Variants in FKBP11 observed in about 807,000 individuals in gnomAD.
The protein encoded by FKBP11 is FKBP prolyl isomerase 11.
Under a neutral mutation model 24.7 loss-of-function variants are expected in FKBP11, and 21 were observed. The ratio of observed to expected loss-of-function variants is 0.85; its 90% CI spans 0.60 to 1.23. The LOEUF is 1.23. FKBP11 is among the 50% of genes most tolerant of loss of function. The probability of loss-of-function intolerance (pLI) is 0.00; values close to 1 mark genes in which losing one functional copy is unlikely to be tolerated. For missense variants in FKBP11, 245 were observed against 248.7 expected (o/e 0.99, Z 0.10); for synonymous variants, 106 against 100.6 (o/e 1.05, Z -0.32).
chr12:48,928,586 T>G (rs894784194), upstream of FKBP11, among the ~76,000 whole-genome samples: 1 of 152,024 alleles, frequency 6.6e-6, no homozygotes, highest in Non-Finnish European at 1.5e-5. Flanking sequence ...TTCAGGCAAT[T>G]CTCCTGTTTC....
the FKBP11 span, chr12:48,935,692 G>C: frequency 6.6e-6 from 1 of 152,244 alleles, no homozygotes. Flanking sequence ...GCCATCAGTT[G>C]TAAGAAGGAT....
chr12:48,922,245 TATCCAGGGCTCAGA>T, intron 5 of FKBP11, 44 bp from the exon 6 acceptor site: 1 of 1,538,742 alleles, frequency 6.5e-7, no homozygotes, highest in South Asian at 1.2e-5. Flanking sequence ...CTCTGCATTT[TATCCAGGGCTCAGA>T]ATCTGAATGA....
chr12:48,933,465 G>T, the FKBP11 span, among the ~76,000 whole-genome samples: 1 of 152,194 alleles, frequency 6.6e-6, no homozygotes, highest in Admixed American at 6.5e-5. Flanking sequence ...GCTTTGGGAG[G>T]CCAAGGTGGG....
chr12:48,931,158 A>AAAAAAT (rs1940045050), upstream of FKBP11, among the ~76,000 whole-genome samples: 1 of 134,676 alleles, frequency 7.4e-6, no homozygotes, highest in Admixed American at 7.4e-5. Context: ...AAAAAAAAAA[A>AAAAAAT]GGCTAGTTGT....
intron 5 of FKBP11, 47 bp from the exon 6 acceptor site, chr12:48,922,248 C>T: frequency 6.5e-7 from 1 of 1,534,876 alleles, no homozygotes; most frequent in Non-Finnish European, 8.9e-7. Flanking sequence ...TGCATTTTAT[C>T]CAGGGCTCAG....
chr12:48,931,128 TA>T (rs35482677), upstream of FKBP11, among the ~76,000 whole-genome samples: 3,949 of 34,842 alleles, frequency 0.11, 71 homozygotes, highest in East Asian at 0.22. Context: ...GACTCCAGCT[TA>T]AAAAAAAAAA....
chr12:48,925,005 G>GCC, intron 2 of FKBP11, 41 bp downstream of exon 2: 15 of 1,573,274 alleles, frequency 9.5e-6, no homozygotes, highest in Middle Eastern at 2.1e-4. Flanking sequence ...GCAGGGCGCC[G>GCC]CCCCCTCCCA....
rs529271511 is a variant in FKBP11, at chr12:48,925,311, C to T, written c.118G>A (p.Val40Met). 2.5e-6 allele frequency: 4 copies of T among 1,612,140 alleles called. No homozygotes were observed. The highest frequency in any genetic ancestry group is 2.2e-5 in the South Asian group (2 of 90,410). ...ETESPVRTLQ[V>M]ETLVEPPEPC... is the part of the protein sequence containing the mutation. The stretch of plus-strand genomic sequence containing the variant: ...GACTATCTCCTCACCAGGGTCTCCA[C>T]TTGGAGGGTCCGGACGGGACTTTCG... Residue 40 changes from valine (V) to methionine (M), a missense_variant, in exon 1 of 6, where the codon GTG (valine) becomes ATG (methionine). Val to Met is a conservative substitution (Grantham distance 21). Coordinates refer to ENST00000550765, the MANE Select transcript of FKBP11 (RefSeq NM_016594.3).
upstream of FKBP11, chr12:48,925,703 A>C: frequency 2.0e-6 from 1 of 490,116 alleles, no homozygotes. Flanking sequence ...GGGCCAAACA[A>C]TAGCACCCAT....
At chr12:48,935,456 G>A in the FKBP11 span, among the ~76,000 whole-genome samples, 1 of 152,124 alleles carries the variant, frequency 6.6e-6, no homozygotes, top group African/African-American at 2.4e-5. Context: ...GGGAAGGCTT[G>A]CCTGGCTCAC....
intron 5 of FKBP11, chr12:48,923,451 A>G: frequency 6.5e-7 from 1 of 1,547,186 alleles, no homozygotes; most frequent in Admixed American, 2.0e-5. Context: ...GACACAGCGT[A>G]GAGTTGTAGA....
At chr12:48,938,292 A>G in the FKBP11 span, 2 of 432,266 alleles carry the variant, frequency 4.6e-6, no homozygotes. Context: ...GTAACCAGTC[A>G]AAGACTGGGG....
At chr12:48,925,170 G>C (rs766051350) in intron 1 of FKBP11, 59 bp from the exon 2 acceptor site, 13 of 1,599,012 alleles carry the variant, frequency 8.1e-6, no homozygotes, top group Non-Finnish European at 1.0e-5. Flanking sequence ...CTCGCCCCTA[G>C]ACCCGGCACC....
upstream of FKBP11, among the ~76,000 whole-genome samples, chr12:48,930,827 G>T (rs962061488): frequency 6.6e-6 from 1 of 152,112 alleles, no homozygotes; most frequent in Non-Finnish European, 1.5e-5. Flanking sequence ...GGCTGGAGAG[G>T]GAATTAAGGG....
At chr12:48,925,579 C>G, upstream of FKBP11, 1 of 992,348 alleles carries the variant, frequency 1.0e-6, no homozygotes, top group Non-Finnish European at 1.4e-6. Flanking sequence ...CTTCCTCCAC[C>G]TTGTCCCCAC....
At position 48,923,714 on chromosome 12, in the gene FKBP11, T is replaced by C. The variant is rs571475320; in HGVS notation, c.388+68A>G. 8 of 1,579,236 alleles carry C rather than the reference T, an allele frequency of 5.1e-6. No individual in the cohort carries two copies. In the Admixed American group the frequency reaches 6.7e-5, roughly 13 times the overall value. On this transcript the variant is annotated intron_variant, in intron 5 of 5. Transcript: ENST00000550765. ...ATCTTCTCAAGCATCAAACAAAGTA[T>C]ATAGCTCCTTATAGCTCTTAGGGAC...
At chr12:48,938,647 G>A in the FKBP11 span, 6 of 437,550 alleles carry the variant, frequency 1.4e-5, no homozygotes, top group Admixed American at 3.1e-5. Flanking sequence ...TACCCCACTC[G>A]ACCTCCCGAA....
upstream of FKBP11, among the ~76,000 whole-genome samples, chr12:48,928,981 C>T (rs1940016050): frequency 6.8e-6 from 1 of 147,668 alleles, no homozygotes; most frequent in Non-Finnish European, 1.5e-5. Flanking sequence ...CGCCATCACG[C>T]CCAGCTAACT....
At chr12:48,929,788 T>C (rs1940025317), upstream of FKBP11, among the ~76,000 whole-genome samples, 1 of 152,238 alleles carries the variant, frequency 6.6e-6, no homozygotes, top group Non-Finnish European at 1.5e-5. Flanking sequence ...TTCCTGCTCA[T>C]GGACTGTGGT....
Sources: gnomAD v4.1 joint callset for allele counts (sites outside exome capture counted in the v4.1 genomes callset) on GRCh38, gnomAD v4.1.1 for gene constraint, MANE v1.5 for transcripts, NCBI Gene and HGNC (gene_info 2026-07-23, HGNC 2026-07-21) for gene names.